CSMD1: variants seen among roughly 807,000 people sequenced by gnomAD.
CSMD1 encodes the protein CUB and Sushi multiple domains 1.
CSMD1 carries 213 observed loss-of-function variants against 417.5 expected under a neutral mutation model. That is an observed-to-expected ratio of 0.51 (90% CI 0.46 to 0.57). The LOEUF (loss-of-function observed/expected upper bound fraction) is 0.57. Ranked by LOEUF, CSMD1 falls within the 20% of genes least tolerant of loss-of-function variation. The probability of loss-of-function intolerance (pLI) is 0.00; values close to 1 mark genes in which losing one functional copy is unlikely to be tolerated. For synonymous variants in CSMD1, 2,862 were observed against 1,736.8 expected (o/e 1.65, Z -16.11); for missense variants, 6,923 against 4,529.7 (o/e 1.53, Z -15.17).
At chr8:4,108,926 T>G (rs924339191) in intron 3 of CSMD1, among the ~76,000 whole-genome samples, 1 of 152,160 alleles carries the variant, frequency 6.6e-6, no homozygotes, top group African/African-American at 2.4e-5. Flanking sequence ...GACAAAAAAT[T>G]CCATCGCCTT....
intron 3 of CSMD1, among the ~76,000 whole-genome samples, chr8:4,204,281 A>C (rs73658474): frequency 0.012 from 1,830 of 151,908 alleles, 40 homozygotes; most frequent in African/African-American, 0.042. Context: ...AAAAAACCTC[A>C]ATTTGGAAGT....
At chr8:4,948,005 C>T (rs1290305741) in intron 1 of CSMD1, among the ~76,000 whole-genome samples, 1 of 151,840 alleles carries the variant, frequency 6.6e-6, no homozygotes, top group African/African-American at 2.4e-5. Flanking sequence ...AACTTTCTTC[C>T]ACATGTCAGC....
intron 3 of CSMD1, among the ~76,000 whole-genome samples, chr8:4,229,938 A>T (rs1469610709): frequency 6.6e-6 from 1 of 152,168 alleles, no homozygotes; most frequent in Non-Finnish European, 1.5e-5. Context: ...AATATCTTAC[A>T]TTCTAATATC....
chr8:4,571,489 G>T (rs1020328936), intron 2 of CSMD1, among the ~76,000 whole-genome samples: 1 of 152,186 alleles, frequency 6.6e-6, no homozygotes, highest in Non-Finnish European at 1.5e-5. Flanking sequence ...TAATTTGATT[G>T]CACTGTGGTC....
intron 1 of CSMD1, among the ~76,000 whole-genome samples, chr8:4,887,711 G>A (rs1490889819): frequency 1.3e-5 from 2 of 151,778 alleles, no homozygotes; most frequent in Middle Eastern, 3.4e-3. Context: ...TGCTTTGTTG[G>A]TAGGTGCATA....
At chr8:3,638,132 A>G (rs1006618198) in intron 7 of CSMD1, among the ~76,000 whole-genome samples, 13 of 152,172 alleles carry the variant, frequency 8.5e-5, no homozygotes, top group Non-Finnish European at 1.5e-4. Context: ...TTGAGTCTTA[A>G]ACGTAAGATC....
Position 4,616,618 on chromosome 8 carries a change from C to A in CSMD1, c.302+20724G>T, listed in dbSNP as rs1006547314. On this transcript the variant is annotated intron_variant, in intron 2 of 69. Transcript: ENST00000635120. ...CTATAGAATAAGATACAGGATCTAG[C>A]AACTACTGACAGCTGACATTGGACA... Among the ~76,000 whole-genome samples the A allele has an allele frequency of 5.3e-5, 8 of 152,300 alleles. No individual in the cohort carries two copies. The South Asian group carries it at 8.3e-4, about 16-fold the overall frequency.
intron 1 of CSMD1, among the ~76,000 whole-genome samples, chr8:4,730,070 A>G (rs293881): frequency 0.29 from 44,440 of 152,006 alleles, 7,236 homozygotes; most frequent in East Asian, 0.56. Flanking sequence ...CAGAGAACAA[A>G]ATAAATTGTA....
At chr8:4,658,391 G>A (rs1267365864) in intron 1 of CSMD1, among the ~76,000 whole-genome samples, 5 of 152,026 alleles carry the variant, frequency 3.3e-5, no homozygotes, top group African/African-American at 1.2e-4. Context: ...TCCTTAGAAA[G>A]AGCACCTGCA....
At chr8:3,278,312 G>C (rs1224204087) in intron 26 of CSMD1, 1 of 152,080 alleles carries the variant, frequency 6.6e-6, no homozygotes, top group Non-Finnish European at 1.5e-5. Flanking sequence ...AGTGTGCTTG[G>C]GAAAAATATA....
intron 11 of CSMD1, among the ~76,000 whole-genome samples, chr8:3,487,292 C>T (rs528537521): frequency 1.1e-4 from 17 of 152,280 alleles, no homozygotes; most frequent in South Asian, 4.1e-4. Flanking sequence ...AGCTCCACCT[C>T]CTGGGTTCAC....
chr8:4,466,291 AGAG>A (rs900222143), intron 2 of CSMD1, among the ~76,000 whole-genome samples: 5 of 152,116 alleles, frequency 3.3e-5, no homozygotes, highest in African/African-American at 7.2e-5. Context: ...GGAAGAAAAC[AGAG>A]GAGGAGGAGG....
At chr8:4,454,741 C>T (rs777033536) in intron 2 of CSMD1, among the ~76,000 whole-genome samples, 6 of 152,262 alleles carry the variant, frequency 3.9e-5, no homozygotes, top group Non-Finnish European at 7.4e-5. Context: ...AAACTATACT[C>T]GTTTAGAAAG....
At chr8:3,799,647 A>C (rs76703784) in intron 5 of CSMD1, among the ~76,000 whole-genome samples, 1,863 of 152,072 alleles carry the variant, frequency 0.012, 40 homozygotes, top group African/African-American at 0.042. Context: ...GCATTGCAGA[A>C]AACAAGTTAT....
At chr8:3,397,022 G>A (rs1158307042) in intron 16 of CSMD1, among the ~76,000 whole-genome samples, 8 of 152,206 alleles carry the variant, frequency 5.3e-5, no homozygotes, top group Non-Finnish European at 8.8e-5. Flanking sequence ...AACTGCTTAA[G>A]TTTTCTTATG....
At chr8:3,256,477 T>C (rs1325764018) in intron 26 of CSMD1, among the ~76,000 whole-genome samples, 1 of 152,188 alleles carries the variant, frequency 6.6e-6, no homozygotes, top group Non-Finnish European at 1.5e-5. Flanking sequence ...ATGCTTCAGA[T>C]CTAGCTACTA....
rs76875419 is a variant in CSMD1 at position 4,385,825 on chromosome 8, G to C, written c.415+34128C>G. ...TGTCTCATAGCTTAAAAATTATTTTGTGTTTCTGGGAAACTGTTAAAATCT... is the reference window on the plus strand; with the variant it reads ...TGTCTCATAGCTTAAAAATTATTTTCTGTTTCTGGGAAACTGTTAAAATCT... On this transcript the variant is annotated intron_variant, in intron 3 of 69. Transcript: ENST00000635120. Among the ~76,000 whole-genome samples, 5 of 152,076 alleles carry C rather than the reference G, an allele frequency of 3.3e-5. No homozygotes were observed. The South Asian group carries it at 8.3e-4, about 25-fold the overall frequency.
intron 5 of CSMD1, among the ~76,000 whole-genome samples, chr8:3,911,323 G>A (rs1314640010): frequency 6.6e-6 from 1 of 150,638 alleles, no homozygotes. Flanking sequence ...CTTATTGAAA[G>A]GCTATATATC....
At chr8:4,269,500 G>A (rs1032303055) in intron 3 of CSMD1, among the ~76,000 whole-genome samples, 1 of 152,138 alleles carries the variant, frequency 6.6e-6, no homozygotes. Flanking sequence ...TTGAATATGG[G>A]AAGCATGTTT....
Sources: allele counts gnomAD v4.1 joint callset (sites outside exome capture counted in the v4.1 genomes callset), GRCh38; gene constraint gnomAD v4.1.1; transcripts MANE v1.5; gene names NCBI Gene and HGNC (gene_info 2026-07-23, HGNC 2026-07-21).